The following MTUS2 variants were observed in gnomAD, a reference collection of about 807,000 sequenced individuals.
MTUS2 encodes the protein microtubule-associated tumor suppressor candidate 2.
MTUS2 carries 40 observed loss-of-function variants against 114.1 expected under a neutral mutation model. The observed-to-expected ratio is 0.35, with a 90% confidence interval of 0.27 to 0.46. The LOEUF (loss-of-function observed/expected upper bound fraction) is 0.46, where lower values mean the gene tolerates loss of function less well. MTUS2 is among the 20% of genes least tolerant of loss of function. The probability of loss-of-function intolerance (pLI) is 1.00; values close to 1 mark genes in which losing one functional copy is unlikely to be tolerated. For synonymous variants in MTUS2, 688 were observed against 672.0 expected (o/e 1.02, Z -0.37); for missense variants, 1,679 against 1,705.4 (o/e 0.98, Z 0.27).
chr13:28,836,296 C>T (rs1308257834), intron 1 of MTUS2, among the ~76,000 whole-genome samples: 1 of 152,092 alleles, frequency 6.6e-6, no homozygotes, highest in Non-Finnish European at 1.5e-5. Context: ...CATTGGCCAC[C>T]CCTTGCTGAG....
At chr13:29,290,300 G>A (rs1898652059) in intron 6 of MTUS2, among the ~76,000 whole-genome samples, 1 of 152,070 alleles carries the variant, frequency 6.6e-6, no homozygotes, top group South Asian at 2.1e-4. Flanking sequence ...TTTCCTGTAA[G>A]TGTCTCTGCT....
Position 29,093,171 on chromosome 13 carries a change from G to T in MTUS2, c.2447-7602G>T, listed in dbSNP as rs541967631. Among the ~76,000 whole-genome samples, 8 of 152,300 alleles carry T rather than the reference G, an allele frequency of 5.3e-5. No individual in the cohort carries two copies. In the East Asian group the frequency reaches 1.5e-3, roughly 29 times the overall value. On this transcript the variant is annotated intron_variant, in intron 4 of 15. Coordinates refer to ENST00000612955, the MANE Select transcript of MTUS2 (RefSeq NM_001033602.4). ...AAAAACTATGGAGTATTGGCTGGGT[G>T]CTGTAGCTCATGCCTGTAATTCCAG...
chr13:29,318,258 T>C (rs1482141896), intron 6 of MTUS2, among the ~76,000 whole-genome samples: 1 of 125,596 alleles, frequency 8.0e-6, no homozygotes, highest in East Asian at 2.0e-4. Flanking sequence ...ATGTTTTAGG[T>C]TTTTTTTTTT....
intron 4 of MTUS2, among the ~76,000 whole-genome samples, chr13:29,069,892 A>G (rs1001017367): frequency 5.3e-5 from 8 of 152,240 alleles, no homozygotes; most frequent in African/African-American, 1.9e-4. Context: ...ATCTCAAAGT[A>G]TCTGTCCTGT....
intron 2 of MTUS2, among the ~76,000 whole-genome samples, chr13:28,877,954 C>A (rs986443549): frequency 4.6e-5 from 7 of 152,018 alleles, no homozygotes; most frequent in Non-Finnish European, 1.0e-4. Context: ...AAAATGTGTT[C>A]TTTTGCATTT....
intron 8 of MTUS2, among the ~76,000 whole-genome samples, chr13:29,420,468 G>A (rs1212101194): frequency 2.0e-5 from 3 of 152,006 alleles, no homozygotes; most frequent in Admixed American, 6.6e-5. Context: ...AGTAGAGAGA[G>A]GGTTTCACCA....
chr13:29,075,067 G>C (rs1360370209), intron 4 of MTUS2, among the ~76,000 whole-genome samples: 2 of 152,128 alleles, frequency 1.3e-5, no homozygotes, highest in Non-Finnish European at 2.9e-5. Flanking sequence ...CTATACATTT[G>C]CCTATTCTAG....
intron 9 of MTUS2, among the ~76,000 whole-genome samples, chr13:29,469,005 G>C (rs1347633746): frequency 6.6e-6 from 1 of 152,204 alleles, no homozygotes; most frequent in Non-Finnish European, 1.5e-5. Flanking sequence ...GGATGTAATA[G>C]ATACCCCTGC....
intron 1 of MTUS2, among the ~76,000 whole-genome samples, chr13:28,830,994 A>G (rs1278549632): frequency 6.6e-6 from 1 of 152,226 alleles, no homozygotes; most frequent in Non-Finnish European, 1.5e-5. Flanking sequence ...TGTCACTAGC[A>G]GACTGTCCCT....
intron 1 of MTUS2, among the ~76,000 whole-genome samples, chr13:28,827,813 G>T (rs1398043482): frequency 1.3e-5 from 2 of 152,204 alleles, no homozygotes; most frequent in Non-Finnish European, 2.9e-5. Flanking sequence ...TGTACGAATA[G>T]TGTGTGGGTC....
chr13:29,319,137 G>C (rs1182237573), intron 6 of MTUS2, among the ~76,000 whole-genome samples: 1 of 152,194 alleles, frequency 6.6e-6, no homozygotes, highest in Non-Finnish European at 1.5e-5. Flanking sequence ...AGAAGAGCCT[G>C]TGCATTTATT....
intron 2 of MTUS2, among the ~76,000 whole-genome samples, chr13:28,979,459 T>G (rs890090696): frequency 6.6e-6 from 1 of 152,334 alleles, no homozygotes; most frequent in African/African-American, 2.4e-5. Flanking sequence ...CTGGATTTCT[T>G]TAAGGTGTAG....
At chr13:28,996,604 A>G (rs955348195) in intron 2 of MTUS2, among the ~76,000 whole-genome samples, 55 of 152,096 alleles carry the variant, frequency 3.6e-4, no homozygotes, top group African/African-American at 1.1e-3. Context: ...CAGAGATGCA[A>G]CTTCTTCCTG....
At position 29,025,755 on chromosome 13, in the gene MTUS2, C is replaced by A; in HGVS notation, c.1057C>A (p.His353Asn). The A allele has an allele frequency of 1.2e-6, 2 of 1,613,996 alleles. No homozygotes were observed. Among genetic ancestry groups the A allele is most frequent in the Non-Finnish European group, 1.7e-6 (2 of 1,179,890 alleles). ...LEGRDPCGEA[H>N]PEATDALGHL... is the part of the protein sequence containing the mutation. Reference sequence around the variant, plus strand: ...GGGAAGGGATCCATGTGGGGAAGCACACCCGGAAGCCACCGATGCACTTGG... The same window carrying A: ...GGGAAGGGATCCATGTGGGGAAGCAAACCCGGAAGCCACCGATGCACTTGG... The change falls in exon 3 of 16, where the codon CAC (histidine) becomes AAC (asparagine). Residue 353 changes from histidine (H) to asparagine (N), a missense_variant. This residue lies in a region of MTUS2 where 843 missense variants were observed against 770.8 expected (regional missense o/e 1.09). Coordinates refer to ENST00000612955, the MANE Select transcript of MTUS2 (RefSeq NM_001033602.4).
At chr13:28,913,619 G>A (rs1880578263) in intron 2 of MTUS2, among the ~76,000 whole-genome samples, 2 of 152,094 alleles carry the variant, frequency 1.3e-5, no homozygotes, top group African/African-American at 4.8e-5. Context: ...TCAGGATGAT[G>A]CTGGCCTCAT....
At chr13:29,191,152 T>G (rs1327201328) in intron 5 of MTUS2, among the ~76,000 whole-genome samples, 1 of 152,064 alleles carries the variant, frequency 6.6e-6, no homozygotes, top group Non-Finnish European at 1.5e-5. Flanking sequence ...TTGTATTCAT[T>G]TTTAGTCATG....
At chr13:29,063,470 G>A (rs1315733371) in intron 4 of MTUS2, among the ~76,000 whole-genome samples, 5 of 152,158 alleles carry the variant, frequency 3.3e-5, no homozygotes, top group Non-Finnish European at 7.3e-5. Flanking sequence ...TAAATAACCA[G>A]AGAAATTCAA....
At chr13:29,261,939 C>A (rs1307455847) in intron 5 of MTUS2, among the ~76,000 whole-genome samples, 1 of 152,180 alleles carries the variant, frequency 6.6e-6, no homozygotes, top group Non-Finnish European at 1.5e-5. Context: ...ACTCAAAGGT[C>A]TCTTGATATA....
At chr13:28,858,657 A>G (rs146235317) in intron 2 of MTUS2, among the ~76,000 whole-genome samples, 3 of 152,288 alleles carry the variant, frequency 2.0e-5, no homozygotes, top group Non-Finnish European at 4.4e-5. Context: ...AGAATGCATT[A>G]ATTTCTCCAG....
Sources: gnomAD v4.1 joint callset for allele counts (sites outside exome capture counted in the v4.1 genomes callset) on GRCh38, gnomAD v4.1.1 for gene constraint, gnomAD v4.1.1 regional missense constraint, MANE v1.5 for transcripts, NCBI Gene and HGNC (gene_info 2026-07-23, HGNC 2026-07-21) for gene names.